The following FBXO33 variants were observed in gnomAD, a reference collection of about 807,000 sequenced individuals.
The protein encoded by FBXO33 is F-box protein 33, also known as F-box only protein 33.
A neutral mutation model predicts 46.3 loss-of-function variants in FBXO33; 22 were observed. The observed-to-expected ratio is 0.48, with a 90% CI of 0.34 to 0.68. FBXO33 has a LOEUF of 0.68. Among genes scored for constraint, FBXO33 ranks in the 30% least tolerant of loss-of-function variants. The pLI is 0.01. For synonymous variants in FBXO33, 337 were observed against 291.3 expected (o/e 1.16, Z -1.60); for missense variants, 692 against 708.8 (o/e 0.98, Z 0.27).
rs1003487433 is a variant in FBXO33 at position 39,397,886 on chromosome 14, T to A, written c.*1630A>T. Reference sequence around the variant, plus strand: ...TCAGGAGTTATTTTATCTGATCACATTTATAAGATAAAATCTCACCACATC... The same window carrying A: ...TCAGGAGTTATTTTATCTGATCACAATTATAAGATAAAATCTCACCACATC... On this transcript the variant is annotated 3_prime_UTR_variant, in exon 4 of 4. Coordinates refer to ENST00000298097, the MANE Select transcript of FBXO33 (RefSeq NM_203301.4). The A allele has an allele frequency of 6.6e-6, 1 of 152,646 alleles. No individual in the cohort carries two copies. The highest frequency in any genetic ancestry group is 1.5e-5 in the Non-Finnish European group (1 of 68,040). 9.5% of individuals were successfully genotyped at this position (152,646 alleles called of 1,614,324 possible).
Position 39,405,064 on chromosome 14 carries a change from C to T in FBXO33, c.600-2553G>A, listed in dbSNP as rs143357546. Among the ~76,000 whole-genome samples the T allele has an allele frequency of 8.2e-5, 12 of 146,418 alleles. No homozygotes were observed. In the East Asian group the frequency reaches 1.6e-3, roughly 20 times the overall value. On this transcript the variant is annotated intron_variant, in intron 1 of 3. Coordinates refer to ENST00000298097, the MANE Select transcript of FBXO33 (RefSeq NM_203301.4). The stretch of plus-strand genomic sequence containing the variant: ...TTGGGAGGCTAAGGCAGGAGAATCG[C>T]GTGAACCTGGGAGATGGGAGGTTGC...
chr14:39,426,666 G>T (rs183091203), intron 1 of FBXO33, among the ~76,000 whole-genome samples: 3 of 151,992 alleles, frequency 2.0e-5, no homozygotes, highest in Admixed American at 2.0e-4. Flanking sequence ...TCCACTGCTC[G>T]AACAGACCAA....
chr14:39,410,948 C>T (rs973130768), intron 1 of FBXO33, among the ~76,000 whole-genome samples: 1 of 149,792 alleles, frequency 6.7e-6, no homozygotes, highest in Non-Finnish European at 1.5e-5. Flanking sequence ...AAAGCAATGC[C>T]CAGCTTTGTT....
intron 1 of FBXO33, among the ~76,000 whole-genome samples, chr14:39,408,205 A>G (rs1250851791): frequency 6.6e-6 from 1 of 151,824 alleles, no homozygotes; most frequent in African/African-American, 2.4e-5. Flanking sequence ...TCAGCCTCCC[A>G]AAGTGTTGGA....
chr14:39,416,204 T>A (rs1437740436), intron 1 of FBXO33, among the ~76,000 whole-genome samples: 1 of 152,248 alleles, frequency 6.6e-6, no homozygotes, highest in African/African-American at 2.4e-5. Flanking sequence ...GTAAAATCTT[T>A]CACTCCATTT....
intron 1 of FBXO33, among the ~76,000 whole-genome samples, 166 bp from the exon 2 acceptor site, chr14:39,402,677 A>ATT (rs58903755): frequency 2.4e-3 from 202 of 83,098 alleles, no homozygotes; most frequent in African/African-American, 3.9e-3. Context: ...ATATATTCAG[A>ATT]TTTTTTTTTT....
chr14:39,431,509 C>T (rs146515711), intron 1 of FBXO33, 55 bp downstream of exon 1: 2 of 1,600,162 alleles, frequency 1.2e-6, no homozygotes, highest in African/African-American at 1.3e-5. Context: ...TGTCGGGGTG[C>T]GGGGACGGAG....
chr14:39,401,092 T>C (rs10146622), intron 3 of FBXO33, 84 bp downstream of exon 3: 127,678 of 1,236,142 alleles, frequency 0.1, 7,400 homozygotes, highest in South Asian at 0.19. Context: ...CTTGATACTA[T>C]AAAGGTCAGT....
chr14:39,404,229 A>G (rs2075381939), intron 1 of FBXO33, among the ~76,000 whole-genome samples: 1 of 152,208 alleles, frequency 6.6e-6, no homozygotes, highest in South Asian at 2.1e-4. Flanking sequence ...CACAATAGTG[A>G]TTCAGTGCTG....
intron 1 of FBXO33, among the ~76,000 whole-genome samples, chr14:39,428,128 T>TA (rs772318183): frequency 6.6e-6 from 1 of 152,196 alleles, no homozygotes; most frequent in Non-Finnish European, 1.5e-5. Context: ...TACAAGCAGT[T>TA]AGAGCTGTAC....
Position 39,415,280 on chromosome 14 carries a change from G to C in FBXO33, c.600-12769C>G, listed in dbSNP as rs566652493. Among the ~76,000 whole-genome samples, 3 of 152,202 alleles carry C rather than the reference G, an allele frequency of 2.0e-5. No homozygotes were observed. The South Asian group carries it at 6.2e-4, about 32-fold the overall frequency. On this transcript the variant is annotated intron_variant, in intron 1 of 3. Transcript: ENST00000298097. ...CCACTGCACTCCACCCCGGGTGTCAGAGCAAGACACTGTTTCTAGAAAATG... is the reference window on the plus strand; with the variant it reads ...CCACTGCACTCCACCCCGGGTGTCACAGCAAGACACTGTTTCTAGAAAATG...
At chr14:39,403,803 CTTT>C (rs36096381) in intron 1 of FBXO33, among the ~76,000 whole-genome samples, 9 of 138,480 alleles carry the variant, frequency 6.5e-5, no homozygotes, top group East Asian at 2.1e-4. Flanking sequence ...AATACCATTT[CTTT>C]TTTTTTTTTT....
chr14:39,430,319 G>A (rs1489211607), intron 1 of FBXO33, among the ~76,000 whole-genome samples: 2 of 152,150 alleles, frequency 1.3e-5, no homozygotes, highest in African/African-American at 4.8e-5. Flanking sequence ...ATACAACTTG[G>A]AGCTATAACT....
chr14:39,415,327 A>G (rs944223557), intron 1 of FBXO33, among the ~76,000 whole-genome samples: 3 of 152,196 alleles, frequency 2.0e-5, no homozygotes, highest in Non-Finnish European at 4.4e-5. Context: ...AACAAGAACA[A>G]CAAAGATATA....
intron 1 of FBXO33, among the ~76,000 whole-genome samples, chr14:39,429,508 T>C (rs1017413236): frequency 2.0e-5 from 3 of 152,262 alleles, no homozygotes; most frequent in Non-Finnish European, 4.4e-5. Flanking sequence ...GTCTTATTTA[T>C]GGATTTAATA....
intron 2 of FBXO33, 49 bp from the exon 3 acceptor site, chr14:39,401,910 A>G (rs2075370527): frequency 7.0e-7 from 1 of 1,420,504 alleles, no homozygotes; most frequent in African/African-American, 1.4e-5. Context: ...TTTAGTTCTA[A>G]TCTTTTAACA....
intron 3 of FBXO33, 32 bp downstream of exon 3, chr14:39,401,143 CA>C (rs1313625530): frequency 6.5e-7 from 1 of 1,531,486 alleles, no homozygotes; most frequent in East Asian, 2.3e-5. Context: ...GGTCTAATTC[CA>C]GTATCAGATT....
rs749738165 is a variant in FBXO33, at chr14:39,401,410, G to C, written c.1162C>G (p.Leu388Val). 21 of 1,614,156 alleles carry C rather than the reference G, an allele frequency of 1.3e-5. No individual in the cohort carries two copies. Among genetic ancestry groups the C allele is most frequent in the Non-Finnish European group, 1.8e-5 (21 of 1,180,014 alleles). ...DIKSEDMLKI[L>V]KPSIPLERIH... ...CTCTCTAGTGGTATACTGGGTTTCAGAATCTTTAACATATCTTCACTCTTG... is the reference window on the plus strand; with the variant it reads ...CTCTCTAGTGGTATACTGGGTTTCACAATCTTTAACATATCTTCACTCTTG... The change falls in exon 3 of 4, where the codon CTG becomes GTG. Residue 388 changes from leucine (L) to valine (V), a missense_variant. Leu to Val is a conservative substitution (Grantham distance 32, BLOSUM62 1). Transcript: ENST00000298097.
chr14:39,424,149 C>G (rs1319465036), intron 1 of FBXO33, among the ~76,000 whole-genome samples: 1 of 152,238 alleles, frequency 6.6e-6, no homozygotes, highest in Non-Finnish European at 1.5e-5. Context: ...AGCTACTCCA[C>G]TTACTGCTAC....
Sources: gnomAD v4.1 joint callset for allele counts (sites outside exome capture counted in the v4.1 genomes callset) on GRCh38, gnomAD v4.1.1 for gene constraint, MANE v1.5 for transcripts, NCBI Gene and HGNC (gene_info 2026-07-23, HGNC 2026-07-21) for gene names.